SRD5A2: variants seen among roughly 807,000 people sequenced by gnomAD.
SRD5A2 encodes the protein 3-oxo-5-alpha-steroid 4-dehydrogenase 2.
SRD5A2 carries 30 observed loss-of-function variants against 27.4 expected under a neutral mutation model. That is an observed-to-expected ratio of 1.10 (90% CI 0.82 to 1.49). The LOEUF (loss-of-function observed/expected upper bound fraction) is 1.49. Ranked by LOEUF, SRD5A2 falls within the 40% of genes most tolerant of loss-of-function variation. The pLI is 0.00. For missense variants in SRD5A2, 348 were observed against 323.4 expected (o/e 1.08, Z -0.58); for synonymous variants, 141 against 133.6 (o/e 1.06, Z -0.38).
the SRD5A2 span, among the ~76,000 whole-genome samples, chr2:31,662,421 CAATT>C: frequency 3.3e-5 from 5 of 152,044 alleles, no homozygotes; most frequent in African/African-American, 1.2e-4. Flanking sequence ...CAGGCTCAAG[CAATT>C]CTCCCACCTC....
Position 31,525,991 on chromosome 2 carries a change from T to C in SRD5A2, c.*205A>G, listed in dbSNP as rs568814248. On this transcript the variant is annotated 3_prime_UTR_variant, in exon 5 of 5. Coordinates refer to ENST00000622030, the MANE Select transcript of SRD5A2 (RefSeq NM_000348.4). ...GAAAAGTGGCTTTTTGAAGCTTCAG[T>C]TGGGGATCAGGATAGGGGTCCCTGG... 5 of 426,460 alleles carry C rather than the reference T, an allele frequency of 1.2e-5. No homozygotes were observed. The highest frequency in any genetic ancestry group is 3.7e-5 in the Admixed American group (1 of 26,772). The allele number at this position is 426,460 out of a possible 1,614,324, so 26.4% of individuals were successfully genotyped here.
Position 31,569,602 on chromosome 2 carries a change from T to C in SRD5A2, c.281+11018A>G, listed in dbSNP as rs142009384. ...TTTTAAAGTTAAGGTGCAAAGGCAGTTCATTGGACAAAAAGTAGTATTTTC... is the reference window on the plus strand; with the variant it reads ...TTTTAAAGTTAAGGTGCAAAGGCAGCTCATTGGACAAAAAGTAGTATTTTC... On this transcript the variant is annotated intron_variant, in intron 1 of 4. Transcript: ENST00000622030. 3.6e-3 allele frequency among the ~76,000 whole-genome samples: 553 copies of C among 151,998 alleles called. 4 individuals carry two copies. Among genetic ancestry groups the C allele is most frequent in the African/African-American group, 0.013 (544 of 41,490 alleles).
chr2:31,570,207 T>G (rs185583693), intron 1 of SRD5A2, among the ~76,000 whole-genome samples: 398 of 152,300 alleles, frequency 2.6e-3, no homozygotes, highest in Non-Finnish European at 4.2e-3. Flanking sequence ...ATCCCTGGGA[T>G]ACAAGGTTGA....
intron 1 of SRD5A2, among the ~76,000 whole-genome samples, chr2:31,537,066 CT>C (rs1408121614): frequency 2.6e-5 from 4 of 152,202 alleles, no homozygotes; most frequent in African/African-American, 9.7e-5. Flanking sequence ...AATTACACAT[CT>C]TGCATAGACC....
At chr2:31,593,601 T>C in the SRD5A2 span, among the ~76,000 whole-genome samples, 1 of 152,122 alleles carries the variant, frequency 6.6e-6, no homozygotes, top group Non-Finnish European at 1.5e-5. Context: ...AGAAAATAAA[T>C]CTAAAAGTTT....
rs111615515 is a variant in SRD5A2 at position 31,551,580 on chromosome 2, T to C, written c.282-17814A>G. Among the ~76,000 whole-genome samples the C allele has an allele frequency of 4.4e-3, 671 of 152,320 alleles. 9 individuals are homozygous for C. Among genetic ancestry groups the C allele is most frequent in the African/African-American group, 0.016 (646 of 41,572 alleles). On this transcript the variant is annotated intron_variant, in intron 1 of 4. Coordinates refer to ENST00000622030, the MANE Select transcript of SRD5A2 (RefSeq NM_000348.4). ...TGAATATGTCATGCAATTTATTTAA[T>C]AGTACTGTGCTAAAAGTGAAAAACA... is the stretch of plus-strand genomic sequence containing the variant.
chr2:31,593,104 C>A, the SRD5A2 span, among the ~76,000 whole-genome samples: 1 of 151,564 alleles, frequency 6.6e-6, no homozygotes, highest in South Asian at 2.1e-4. Context: ...ACTCTGGGGA[C>A]TGTTGTGGGG....
intron 4 of SRD5A2, among the ~76,000 whole-genome samples, chr2:31,528,958 G>C (rs955564305): frequency 6.6e-6 from 1 of 152,144 alleles, no homozygotes; most frequent in East Asian, 1.9e-4. Flanking sequence ...TGCCTGGTGG[G>C]CACAGAGCCT....
At chr2:31,562,723 C>A (rs1056714768) in intron 1 of SRD5A2, among the ~76,000 whole-genome samples, 1 of 152,142 alleles carries the variant, frequency 6.6e-6, no homozygotes, top group Non-Finnish European at 1.5e-5. Flanking sequence ...CTATTGGGTA[C>A]TATGTTCACC....
Position 31,580,625 on chromosome 2 carries a change from G to A in SRD5A2, c.276C>T (p.Phe92=), listed in dbSNP as rs895624262. ...VLLGLFCLHY[F]HRTFVYSLLN... ...CCGCAAGGGAAAAACGCTACCTGTG[G>A]AAGTAATGTAGGCAGAAGAGGCCCA... is the stretch of plus-strand genomic sequence containing the variant. Residue 92 remains phenylalanine (F), a synonymous_variant, in exon 1 of 5, where the codon TTC becomes TTT. Transcript: ENST00000622030. The A allele has an allele frequency of 6.4e-7, 1 of 1,561,568 alleles. No individual in the cohort carries two copies.
At chr2:31,612,895 G>T in the SRD5A2 span, among the ~76,000 whole-genome samples, 1 of 152,146 alleles carries the variant, frequency 6.6e-6, no homozygotes, top group Non-Finnish European at 1.5e-5. Flanking sequence ...TTCAACAAAG[G>T]TGCCAAGAAC....
intron 4 of SRD5A2, 45 bp downstream of exon 4, chr2:31,529,262 A>G (rs1665850351): frequency 6.2e-7 from 1 of 1,609,022 alleles, no homozygotes; most frequent in Non-Finnish European, 8.5e-7. Context: ...TGTTTGGAGA[A>G]GAAGAAAGCT....
chr2:31,527,143 CT>C (rs1442152973), intron 4 of SRD5A2: 1 of 152,214 alleles, frequency 6.6e-6, no homozygotes, highest in Admixed American at 6.5e-5. Context: ...AAGGACAAAT[CT>C]GTGTTGTTTT....
chr2:31,542,794 C>A (rs1349379519), intron 1 of SRD5A2, among the ~76,000 whole-genome samples: 1 of 151,972 alleles, frequency 6.6e-6, no homozygotes, highest in Non-Finnish European at 1.5e-5. Flanking sequence ...GCCCAAGAGA[C>A]CTGTGAGACA....
chr2:31,536,553 G>T lies in SRD5A2; in HGVS notation c.282-2787C>A, dbSNP rs753544266. Among the ~76,000 whole-genome samples the T allele has an allele frequency of 3.9e-5, 6 of 152,198 alleles. No homozygotes were observed. In the East Asian group the frequency reaches 1.2e-3, roughly 29 times the overall value. On this transcript the variant is annotated intron_variant, in intron 1 of 4. Transcript: ENST00000622030. ...GGGAGGCTGGGAAATGCAGCTGATT[G>T]GGTTTCCCAGCAGGAAAAAGAAGGA... is the stretch of plus-strand genomic sequence containing the variant.
At chr2:31,640,392 T>C in the SRD5A2 span, among the ~76,000 whole-genome samples, 1 of 152,146 alleles carries the variant, frequency 6.6e-6, no homozygotes, top group African/African-American at 2.4e-5. Flanking sequence ...TCCTTGTTTG[T>C]TATTGTTTCT....
the SRD5A2 span, among the ~76,000 whole-genome samples, chr2:31,595,624 T>G: frequency 6.6e-6 from 1 of 152,076 alleles, no homozygotes. Flanking sequence ...TCTGTCAGCA[T>G]TCAAAGAAGA....
At chr2:31,599,969 T>A in the SRD5A2 span, among the ~76,000 whole-genome samples, 2 of 151,970 alleles carry the variant, frequency 1.3e-5, no homozygotes, top group African/African-American at 4.8e-5. Context: ...TTTTTCCTGA[T>A]CCTCTCCTTC....
chr2:31,526,349 T>C, intron 4 of SRD5A2, 87 bp from the exon 5 acceptor site: 1 of 852,154 alleles, frequency 1.2e-6, no homozygotes, highest in Non-Finnish European at 2.0e-6. Context: ...TTGTTACAAG[T>C]CAACCTACAG....
Sources: gnomAD v4.1 joint callset for allele counts (sites outside exome capture counted in the v4.1 genomes callset) on GRCh38, gnomAD v4.1.1 for gene constraint, MANE v1.5 for transcripts, NCBI Gene and HGNC (gene_info 2026-07-23, HGNC 2026-07-21) for gene names.